Variants in CSMD3 observed in about 807,000 individuals in gnomAD.
The protein encoded by CSMD3 is CUB and Sushi multiple domains 3, also known as CUB and sushi domain-containing protein 3.
Under a neutral mutation model 435.2 loss-of-function variants are expected in CSMD3, and 177 were observed. That is an observed-to-expected ratio of 0.41 (90% CI 0.36 to 0.46). The LOEUF (loss-of-function observed/expected upper bound fraction) is 0.46, where lower values mean the gene tolerates loss of function less well. CSMD3 is among the 20% of genes least tolerant of loss of function. The pLI is 0.34. For synonymous variants in CSMD3, 1,656 were observed against 1,520.5 expected (o/e 1.09, Z -2.07); for missense variants, 4,265 against 4,504.6 (o/e 0.95, Z 1.52).
chr8:112,324,962 TAA>T (rs1405452069), intron 45 of CSMD3, among the ~76,000 whole-genome samples: 1 of 152,098 alleles, frequency 6.6e-6, no homozygotes, highest in African/African-American at 2.4e-5. Flanking sequence ...CGCATTAAAT[TAA>T]AAGTCTTGAT....
intron 12 of CSMD3, among the ~76,000 whole-genome samples, chr8:112,800,570 A>G (rs2078937722): frequency 6.6e-6 from 1 of 152,056 alleles, no homozygotes; most frequent in African/African-American, 2.4e-5. Flanking sequence ...TGAACTGAAA[A>G]GAAAAGGAGG....
intron 30 of CSMD3, among the ~76,000 whole-genome samples, chr8:112,499,861 G>C (rs1191376700): frequency 6.6e-6 from 1 of 152,226 alleles, no homozygotes; most frequent in Admixed American, 6.5e-5. Flanking sequence ...GCTTACGCCT[G>C]TAATCCCAGC....
chr8:113,144,762 C>T (rs959844286), intron 4 of CSMD3, among the ~76,000 whole-genome samples: 15 of 151,520 alleles, frequency 9.9e-5, no homozygotes, highest in African/African-American at 3.6e-4. Context: ...TCTAAAGAGA[C>T]TATGTGTAAG....
intron 24 of CSMD3, among the ~76,000 whole-genome samples, chr8:112,569,962 C>A (rs1017903312): frequency 6.6e-6 from 1 of 152,114 alleles, no homozygotes; most frequent in Non-Finnish European, 1.5e-5. Context: ...AGTACTGTGA[C>A]CTCCTCTGCA....
At chr8:113,087,552 C>T (rs1415875254) in intron 5 of CSMD3, among the ~76,000 whole-genome samples, 17 of 151,194 alleles carry the variant, frequency 1.1e-4, no homozygotes, top group South Asian at 2.1e-4. Flanking sequence ...GAAATAATGC[C>T]GCATATCTAC....
intron 18 of CSMD3, among the ~76,000 whole-genome samples, chr8:112,655,350 T>C (rs1330932026): frequency 6.6e-6 from 1 of 152,110 alleles, no homozygotes; most frequent in African/African-American, 2.4e-5. Flanking sequence ...TAGATTAATT[T>C]ATCAAAAGTG....
chr8:113,065,629 C>A lies in CSMD3; in HGVS notation c.917+33127G>T, dbSNP rs564331859. On this transcript the variant is annotated intron_variant, in intron 5 of 70. Coordinates refer to ENST00000297405, the MANE Select transcript of CSMD3 (RefSeq NM_198123.2). ...GGTCTCGATCTCCTGACTTCGTGAT[C>A]CGCCCGCCTCGTGCTCCCGAAGTGC... Among the ~76,000 whole-genome samples the A allele has an allele frequency of 1.4e-4, 22 of 152,150 alleles. No individual in the cohort carries two copies. In the South Asian group the frequency reaches 4.1e-3, roughly 29 times the overall value.
chr8:112,645,811 A>G (rs1311639890), intron 19 of CSMD3, among the ~76,000 whole-genome samples: 3 of 152,198 alleles, frequency 2.0e-5, no homozygotes, highest in Non-Finnish European at 4.4e-5. Flanking sequence ...CATTTCTTTG[A>G]GAACAAATCA....
rs1001080953 is a variant in CSMD3, at chr8:113,265,660, T to A, written c.514+12932A>T. On this transcript the variant is annotated intron_variant, in intron 3 of 70. Coordinates refer to ENST00000297405, the MANE Select transcript of CSMD3 (RefSeq NM_198123.2). ...TATCTAGCCGAATCTGAATATTCAT[T>A]GTAAGTTTCTTTATTTTGAAGATTA... Among the ~76,000 whole-genome samples, 10 of 151,770 alleles carry A rather than the reference T, an allele frequency of 6.6e-5. No individual in the cohort carries two copies. In the East Asian group the frequency reaches 1.7e-3, roughly 26 times the overall value.
At chr8:112,970,331 G>A (rs1394537143) in intron 7 of CSMD3, among the ~76,000 whole-genome samples, 2 of 146,720 alleles carry the variant, frequency 1.4e-5, no homozygotes, top group Non-Finnish European at 3.0e-5. Flanking sequence ...AGGAGGCGGA[G>A]CTTGCAGTGA....
chr8:112,664,334 A>T (rs753844750), intron 17 of CSMD3, among the ~76,000 whole-genome samples: 43 of 152,080 alleles, frequency 2.8e-4, no homozygotes, highest in Non-Finnish European at 1.3e-4. Flanking sequence ...TCCAAACCAA[A>T]CATAATTCTG....
chr8:113,201,470 T>G (rs2092715255), intron 3 of CSMD3, among the ~76,000 whole-genome samples: 1 of 151,986 alleles, frequency 6.6e-6, no homozygotes. Context: ...AAACTTGAGT[T>G]AAAGAATAAA....
intron 1 of CSMD3, among the ~76,000 whole-genome samples, chr8:113,370,825 G>C (rs547456941): frequency 2.6e-5 from 4 of 151,776 alleles, no homozygotes; most frequent in Admixed American, 1.3e-4. Flanking sequence ...TTTATATTTT[G>C]CCTGTTAAAA....
intron 3 of CSMD3, among the ~76,000 whole-genome samples, chr8:113,233,654 A>G (rs911745823): frequency 6.6e-6 from 1 of 151,886 alleles, no homozygotes; most frequent in Admixed American, 6.6e-5. Flanking sequence ...AAAATCCTCA[A>G]TCATAAGCTG....
At chr8:113,427,718 A>G (rs2094644291) in intron 1 of CSMD3, among the ~76,000 whole-genome samples, 2 of 151,666 alleles carry the variant, frequency 1.3e-5, no homozygotes, top group Non-Finnish European at 1.5e-5. Context: ...ATTTTGAAAA[A>G]TATGTATTTG....
intron 13 of CSMD3, among the ~76,000 whole-genome samples, chr8:112,780,977 C>T (rs1023844690): frequency 4.6e-5 from 7 of 152,142 alleles, no homozygotes; most frequent in African/African-American, 1.7e-4. Context: ...TAGTGAGACA[C>T]CAGCTGGGGC....
chr8:113,287,488 T>C (rs2093655572), intron 2 of CSMD3, among the ~76,000 whole-genome samples: 1 of 152,006 alleles, frequency 6.6e-6, no homozygotes, highest in Non-Finnish European at 1.5e-5. Flanking sequence ...GGCAGTAATA[T>C]TAAAGAAAAA....
At chr8:112,282,489 G>A (rs1818758864) in intron 58 of CSMD3, among the ~76,000 whole-genome samples, 1 of 148,096 alleles carries the variant, frequency 6.8e-6, no homozygotes, top group Non-Finnish European at 1.5e-5. Context: ...ATGCAAGAAG[G>A]ATTTGAGATA....
intron 35 of CSMD3, among the ~76,000 whole-genome samples, chr8:112,405,224 T>TATATATATATATATATATATATATATAC (rs1831715452): frequency 1.7e-5 from 1 of 58,334 alleles, no homozygotes; most frequent in African/African-American, 6.5e-5. Flanking sequence ...CATATATATA[T>TATATATATATATATATATATATATATAC]ATATATATAT....
Sources: gnomAD v4.1 joint callset for allele counts (sites outside exome capture counted in the v4.1 genomes callset) on GRCh38, gnomAD v4.1.1 for gene constraint, MANE v1.5 for transcripts, NCBI Gene and HGNC (gene_info 2026-07-23, HGNC 2026-07-21) for gene names.